GLRA2: variants seen among roughly 807,000 people sequenced by gnomAD.
GLRA2 encodes glycine receptor alpha 2.
Under a neutral mutation model 31.6 loss-of-function variants are expected in GLRA2, and 11 were observed. That is an observed-to-expected ratio of 0.35 (90% CI 0.22 to 0.58). GLRA2 has a LOEUF of 0.58. GLRA2 is among the 20% of genes least tolerant of loss of function. The pLI, the probability that GLRA2 is intolerant of heterozygous loss-of-function variation, is 0.84. For synonymous variants in GLRA2, 132 were observed against 134.0 expected (o/e 0.99, Z 0.10); for missense variants, 212 against 351.8 (o/e 0.60, Z 3.18).
At chrX:14,496,045 G>A in the GLRA2 span, among the ~76,000 whole-genome samples, 924 of 111,447 alleles carry the variant, frequency 8.3e-3, 4 homozygotes, top group Non-Finnish European at 0.014. Context: ...CATTGTGTTT[G>A]GGGTGAAAGG....
In GLRA2 at chrX:14,633,377, C is replaced by T. The variant is rs769313715; in HGVS notation, c.930+24172C>T. Among the ~76,000 whole-genome samples, 6 of 111,393 alleles carry T rather than the reference C, an allele frequency of 5.4e-5. No individual in the cohort carries two copies. The Admixed American group carries it at 5.7e-4, about 11-fold the overall frequency. ...GGGTGTGGTGGTGAACACCTGTAGT[C>T]TCAGCTACTTGAAAGGCTGAGGCAG... On this transcript the variant is annotated intron_variant, in intron 7 of 8. Transcript: ENST00000218075.
At chrX:14,618,952 C>T (rs1569510896) in intron 7 of GLRA2, among the ~76,000 whole-genome samples, 1 of 111,702 alleles carries the variant, frequency 9.0e-6, no homozygotes, top group South Asian at 3.7e-4. Flanking sequence ...TCTTTGACTT[C>T]CTCTATACCC....
chrX:14,464,776 C>T, the GLRA2 span, among the ~76,000 whole-genome samples: 7 of 111,137 alleles, frequency 6.3e-5, no homozygotes, highest in Non-Finnish European at 1.1e-4. Context: ...AGGATGGTCT[C>T]GATCTCCTGA....
chrX:14,469,838 A>AT, the GLRA2 span, among the ~76,000 whole-genome samples: 31 of 109,899 alleles, frequency 2.8e-4, no homozygotes, highest in African/African-American at 9.6e-4. Flanking sequence ...TAAAACTTAA[A>AT]ATATAATAAT....
At chrX:14,463,737 G>A in the GLRA2 span, among the ~76,000 whole-genome samples, 1 of 110,461 alleles carries the variant, frequency 9.1e-6, no homozygotes, top group African/African-American at 3.3e-5. Context: ...AAGTGCAGTA[G>A]TTGGGCAGGA....
chrX:14,683,664 G>T (rs140858944), intron 7 of GLRA2, among the ~76,000 whole-genome samples: 2,699 of 111,435 alleles, frequency 0.024, 71 homozygotes, highest in African/African-American at 0.084. Flanking sequence ...TCCTTCTAGG[G>T]TCTTTATGGT....
intron 2 of GLRA2, among the ~76,000 whole-genome samples, chrX:14,554,246 C>T (rs899665946): frequency 1.8e-5 from 2 of 111,587 alleles, no homozygotes; most frequent in African/African-American, 6.5e-5. Flanking sequence ...AGTACATTAT[C>T]GGAAGCTCTG....
At chrX:14,642,458 G>A (rs949302036) in intron 7 of GLRA2, among the ~76,000 whole-genome samples, 3 of 111,805 alleles carry the variant, frequency 2.7e-5, no homozygotes, top group East Asian at 2.8e-4. Context: ...AGAGAACAGC[G>A]CTGACTGCCT....
At chrX:14,543,337 C>G (rs1423128264) in intron 2 of GLRA2, among the ~76,000 whole-genome samples, 2 of 105,352 alleles carry the variant, frequency 1.9e-5, no homozygotes, top group East Asian at 6.3e-4. Context: ...AAATTAATAT[C>G]TTTGGGTATA....
intron 1 of GLRA2, chrX:14,531,114 C>A (rs2089249052): frequency 1.1e-6 from 1 of 913,519 alleles, no homozygotes; most frequent in Non-Finnish European, 1.4e-6. Flanking sequence ...CATCATCATC[C>A]TCACCACCAC....
intron 8 of GLRA2, among the ~76,000 whole-genome samples, chrX:14,725,723 A>G (rs187990465): frequency 3.6e-4 from 41 of 112,453 alleles, no homozygotes; most frequent in African/African-American, 1.1e-3. Flanking sequence ...TTTCCCATCT[A>G]GACAAGAATT....
At chrX:14,475,227 C>T in the GLRA2 span, among the ~76,000 whole-genome samples, 1 of 112,187 alleles carries the variant, frequency 8.9e-6, no homozygotes, top group African/African-American at 3.2e-5. Context: ...GATATTTTAT[C>T]CTTTGTCCTT....
At chrX:14,665,254 G>T (rs1443840614) in intron 7 of GLRA2, among the ~76,000 whole-genome samples, 1 of 111,705 alleles carries the variant, frequency 9.0e-6, no homozygotes, top group African/African-American at 3.3e-5. Context: ...TTTGCCAAAT[G>T]GGAGCCTGCT....
At chrX:14,535,085 T>C (rs1341142151) in intron 2 of GLRA2, among the ~76,000 whole-genome samples, 1 of 111,491 alleles carries the variant, frequency 9.0e-6, no homozygotes, top group Non-Finnish European at 1.9e-5. Flanking sequence ...ATAGTGATGA[T>C]GATGTTGACA....
the GLRA2 span, among the ~76,000 whole-genome samples, chrX:14,493,730 T>TATGTATACAC: frequency 1.0e-5 from 1 of 98,710 alleles, no homozygotes; most frequent in Non-Finnish European, 2.0e-5. Flanking sequence ...TATACGTGTA[T>TATGTATACAC]ATGTATACAT....
At chrX:14,682,209 A>G (rs760503734) in intron 7 of GLRA2, among the ~76,000 whole-genome samples, 18 of 108,900 alleles carry the variant, frequency 1.7e-4, no homozygotes, top group African/African-American at 6.0e-4. Flanking sequence ...CTAAGTCCTA[A>G]AGAATTCTGA....
chrX:14,589,700 G>GTA (rs1318177101), intron 4 of GLRA2, among the ~76,000 whole-genome samples: 3 of 29,630 alleles, frequency 1.0e-4, no homozygotes, highest in African/African-American at 6.5e-4. Context: ...TATGTATAGT[G>GTA]TATATATATA....
the GLRA2 span, among the ~76,000 whole-genome samples, chrX:14,512,464 A>G: frequency 8.9e-6 from 1 of 111,867 alleles, no homozygotes; most frequent in South Asian, 3.7e-4. Flanking sequence ...CCAAATCAGT[A>G]AAGAGGAAGT....
the GLRA2 span, among the ~76,000 whole-genome samples, chrX:14,473,937 C>A: frequency 8.9e-6 from 1 of 111,856 alleles, no homozygotes; most frequent in African/African-American, 3.3e-5. Flanking sequence ...CTGGTTGTTT[C>A]CTGCTGTTCT....
Sources: allele counts gnomAD v4.1 joint callset (sites outside exome capture counted in the v4.1 genomes callset), GRCh38; gene constraint gnomAD v4.1.1; transcripts MANE v1.5; gene names NCBI Gene and HGNC (gene_info 2026-07-23, HGNC 2026-07-21).